MCOLN1: variants seen among roughly 807,000 people sequenced by gnomAD.
The protein encoded by MCOLN1 is mucolipin-1.
In MCOLN1, 50 loss-of-function variants were observed where a neutral mutation model predicts 70.3. The observed-to-expected ratio is 0.71, with a 90% CI of 0.57 to 0.90. The LOEUF (loss-of-function observed/expected upper bound fraction) is 0.90, where lower values mean the gene tolerates loss of function less well. MCOLN1 is among the 40% of genes least tolerant of loss of function. MCOLN1 has a pLI of 0.00. For missense variants in MCOLN1, 598 were observed against 803.5 expected (o/e 0.74, Z 3.09); for synonymous variants, 366 against 341.0 (o/e 1.07, Z -0.81).
chr19:7,523,967 C>G (rs906920793), intron 1 of MCOLN1, among the ~76,000 whole-genome samples: 11 of 151,946 alleles, frequency 7.2e-5, no homozygotes, highest in African/African-American at 2.7e-4. Flanking sequence ...CCAACTCAGC[C>G]TCCCGGGTAG....
intron 12 of MCOLN1, among the ~76,000 whole-genome samples, chr19:7,531,943 G>A: frequency 6.6e-6 from 1 of 152,214 alleles, no homozygotes; most frequent in East Asian, 1.9e-4. Flanking sequence ...TGGGATTACG[G>A]GCGTGAGCCA....
chr19:7,530,243 G>A (rs1300695195), intron 11 of MCOLN1, 43 bp from the exon 12 acceptor site: 5 of 1,556,204 alleles, frequency 3.2e-6, no homozygotes, highest in Non-Finnish European at 4.4e-6. Flanking sequence ...CCCGGTTCCT[G>A]GCCATGCCTT....
At position 7,525,245 on chromosome 19, in the gene MCOLN1, A is replaced by T. The variant is rs767122747; in HGVS notation, c.237+79A>T. On this transcript the variant is annotated intron_variant, in intron 2 of 13. Transcript: ENST00000264079. The surrounding 1 kb of genome is among the most constrained non-coding windows in gnomAD (Gnocchi z 4.2). ...TCCTTGAAGAGAGTCTTAAAGCAGCACTTTGGAAGGCCGAGGCCGGTGGAT... is the reference window on the plus strand; with the variant it reads ...TCCTTGAAGAGAGTCTTAAAGCAGCTCTTTGGAAGGCCGAGGCCGGTGGAT... 1.2e-5 allele frequency: 16 copies of T among 1,380,356 alleles called. No individual in the cohort carries two copies. The East Asian group carries it at 3.5e-4, about 30-fold the overall frequency. The allele number at this position is 1,380,356 out of a possible 1,614,324, so 85.5% of individuals were successfully genotyped here. A position where few individuals can be genotyped will look rare whatever the true frequency, so the allele number is the denominator to read the frequency against.
intron 11 of MCOLN1, 127 bp downstream of exon 11, chr19:7,529,839 T>C: frequency 8.8e-7 from 1 of 1,130,366 alleles, no homozygotes; most frequent in East Asian, 2.4e-5. Context: ...TTGGTGACCC[T>C]GACACTGACC....
chr19:7,522,953 C>T (rs1261644093), intron 1 of MCOLN1, among the ~76,000 whole-genome samples, 172 bp downstream of exon 1: 3 of 152,160 alleles, frequency 2.0e-5, no homozygotes, highest in Non-Finnish European at 4.4e-5. Context: ...GGGCACCAGC[C>T]TCTCCAATTC....
rs1485154863 is a variant in MCOLN1 at position 7,528,585 on chromosome 19, C to T, written c.878-12C>T. On this transcript the variant is annotated splice_polypyrimidine_tract_variant and intron_variant, in intron 7 of 13. Transcript: ENST00000264079. The surrounding 1 kb of genome is among the most constrained non-coding windows in gnomAD (Gnocchi z 4.2). ...GCCATCCTTGGCCCTACCCGCTCTG[C>T]CCTCCCCGCAGGAGACAACAGCTTC... The T allele has an allele frequency of 6.2e-7, 1 of 1,613,898 alleles. No individual in the cohort carries two copies. Among genetic ancestry groups the T allele is most frequent in the East Asian group, 2.2e-5 (1 of 44,894 alleles).
rs761849827 is a variant in MCOLN1, at chr19:7,533,848, C to G, written c.*53C>G. On this transcript the variant is annotated 3_prime_UTR_variant, in exon 14 of 14. Coordinates refer to ENST00000264079, the MANE Select transcript of MCOLN1 (RefSeq NM_020533.3). ...GCCCTGGACTGCAGAGACCCCCGCCCCCGACCCCGCTTATTTATTTGTAGG... is the reference window on the plus strand; with the variant it reads ...GCCCTGGACTGCAGAGACCCCCGCCGCCGACCCCGCTTATTTATTTGTAGG... The G allele has an allele frequency of 4.5e-6, 7 of 1,568,202 alleles. No homozygotes were observed. The highest frequency in any genetic ancestry group is 6.1e-6 in the Non-Finnish European group (7 of 1,138,922).
In MCOLN1 at chr19:7,524,949, C is replaced by A. The variant is rs1372906524; in HGVS notation, c.32-12C>A. The A allele has an allele frequency of 4.3e-6, 7 of 1,612,600 alleles. No individual in the cohort carries two copies. The highest frequency in any genetic ancestry group is 5.1e-6 in the Non-Finnish European group (6 of 1,179,490). ...CCAGGCCTCACCCCAGTGCCCTCTC[C>A]TATTCCCACAGAGACCGAGCGGCTT... On this transcript the variant is annotated splice_polypyrimidine_tract_variant and intron_variant, in intron 1 of 13. Transcript: ENST00000264079. The surrounding 1 kb of genome is among the most constrained non-coding windows in gnomAD (Gnocchi z 4.1).
rs1057161681 is a variant in MCOLN1, at chr19:7,525,602, A to G, written c.237+436A>G. On this transcript the variant is annotated intron_variant, in intron 2 of 13. Coordinates refer to ENST00000264079, the MANE Select transcript of MCOLN1 (RefSeq NM_020533.3). The surrounding 1 kb of genome is among the most constrained non-coding windows in gnomAD (Gnocchi z 4.2). Reference sequence around the variant, plus strand: ...ATTTGAACCCAGGCAGTCTGACACCATGTTGACCCAATGGCTGCACAGATA... The same window carrying G: ...ATTTGAACCCAGGCAGTCTGACACCGTGTTGACCCAATGGCTGCACAGATA... The G allele has an allele frequency of 4.3e-5, 11 of 253,462 alleles. No individual in the cohort carries two copies. Among genetic ancestry groups the G allele is most frequent in the African/African-American group, 2.6e-4 (11 of 43,126 alleles). 15.7% of individuals were successfully genotyped at this position (253,462 alleles called of 1,614,324 possible).
chr19:7,525,224 T>C lies in MCOLN1; in HGVS notation c.237+58T>C. ...GGCCACCTGTGGCTGCTGTGCTCCT[T>C]GAAGAGAGTCTTAAAGCAGCACTTT... On this transcript the variant is annotated intron_variant, in intron 2 of 13. Transcript: ENST00000264079. The surrounding 1 kb of genome is among the most constrained non-coding windows in gnomAD (Gnocchi z 4.2). The C allele has an allele frequency of 6.6e-7, 1 of 1,516,070 alleles. No individual in the cohort carries two copies. The highest frequency in any genetic ancestry group is 9.1e-7 in the Non-Finnish European group (1 of 1,094,128). The allele number at this position is 1,516,070 out of a possible 1,614,324, so 93.9% of individuals were successfully genotyped here.
chr19:7,533,443 G>A, intron 12 of MCOLN1, 80 bp from the exon 13 acceptor site: 1 of 1,583,146 alleles, frequency 6.3e-7, no homozygotes, highest in Non-Finnish European at 8.6e-7. Context: ...TGCAGATATG[G>A]CTGGAGGGGA....
chr19:7,527,738 C>A, intron 5 of MCOLN1, 110 bp downstream of exon 5: 1 of 1,074,952 alleles, frequency 9.3e-7, no homozygotes, highest in Non-Finnish European at 1.5e-6. Flanking sequence ...CCCGCCCGCG[C>A]TGGTGCCTGC....
At chr19:7,522,820 G>C (rs2022513986) in intron 1 of MCOLN1, 39 bp downstream of exon 1, 1 of 1,314,202 alleles carries the variant, frequency 7.6e-7, no homozygotes, top group Non-Finnish European at 9.7e-7. Flanking sequence ...CCGAACTCAG[G>C]CGGGCGGGCT....
chr19:7,531,458 C>A lies in MCOLN1; in HGVS notation c.1575+957C>A, dbSNP rs548389941. On this transcript the variant is annotated intron_variant, in intron 12 of 13. Transcript: ENST00000264079. ...TCAGGTGATCCACCTGCCTTGGCCTCCCAAGGTGCTGGGATTTCAGGCATG... is the reference window on the plus strand; with the variant it reads ...TCAGGTGATCCACCTGCCTTGGCCTACCAAGGTGCTGGGATTTCAGGCATG... 5.4e-4 allele frequency among the ~76,000 whole-genome samples: 82 copies of A among 152,162 alleles called. 1 individual carries two copies. The highest frequency in any genetic ancestry group is 2.0e-3 in the African/African-American group (82 of 41,502).
chr19:7,528,123 C>T lies in MCOLN1; in HGVS notation c.778-35C>T, dbSNP rs2056953152. 1.2e-6 allele frequency: 2 copies of T among 1,608,806 alleles called. No individual in the cohort carries two copies. The highest frequency in any genetic ancestry group is 1.1e-5 in the South Asian group (1 of 90,978). On this transcript the variant is annotated intron_variant, in intron 6 of 13. Coordinates refer to ENST00000264079, the MANE Select transcript of MCOLN1 (RefSeq NM_020533.3). The surrounding 1 kb of genome is among the most constrained non-coding windows in gnomAD (Gnocchi z 4.2). Reference sequence around the variant, plus strand: ...ATGTGGACCTTGGGGCTTGGGGCTGCCAAGGTTTACTCTGCCCCCAACTGG... The same window carrying T: ...ATGTGGACCTTGGGGCTTGGGGCTGTCAAGGTTTACTCTGCCCCCAACTGG...
In MCOLN1 at chr19:7,528,124, C is replaced by T; in HGVS notation, c.778-34C>T. 1 of 1,609,016 alleles carries T rather than the reference C, an allele frequency of 6.2e-7. No individual in the cohort carries two copies. Among genetic ancestry groups the T allele is most frequent in the Non-Finnish European group, 8.5e-7 (1 of 1,175,444 alleles). ...TGTGGACCTTGGGGCTTGGGGCTGC[C>T]AAGGTTTACTCTGCCCCCAACTGGC... On this transcript the variant is annotated intron_variant, in intron 6 of 13. Coordinates refer to ENST00000264079, the MANE Select transcript of MCOLN1 (RefSeq NM_020533.3). This position sits in a 1 kb window ranked among gnomAD's most constrained non-coding sequence, Gnocchi z 4.2.
intron 4 of MCOLN1, 41 bp from the exon 5 acceptor site, chr19:7,527,479 C>T: frequency 2.3e-6 from 2 of 864,008 alleles, no homozygotes; most frequent in African/African-American, 1.6e-5. Context: ...AGCCTGGCCT[C>T]CCCGGCCCCC....
rs202247664 is a variant in MCOLN1, at chr19:7,524,989, C to T, written c.60C>T (p.Pro20=). The T allele has an allele frequency of 3.2e-5, 51 of 1,613,876 alleles. No homozygotes were observed. Among genetic ancestry groups the T allele is most frequent in the African/African-American group, 2.0e-4 (15 of 75,058 alleles). ...SETERLLTPN[P]GYGTQAGPSP... is the part of the protein sequence containing the mutation. ...CCGAGCGGCTTCTGACCCCCAACCC[C>T]GGGTATGGGACCCAGGCGGGGCCTT... The change falls in exon 2 of 14, where the codon CCC becomes CCT. Residue 20 remains proline, a synonymous_variant. Coordinates refer to ENST00000264079, the MANE Select transcript of MCOLN1 (RefSeq NM_020533.3). This position sits in a 1 kb window ranked among gnomAD's most constrained non-coding sequence, Gnocchi z 4.1.
Position 7,528,502 on chromosome 19 carries a change from G to A in MCOLN1, c.878-95G>A. The A allele has an allele frequency of 2.0e-6, 3 of 1,531,544 alleles. No homozygotes were observed. Among genetic ancestry groups the A allele is most frequent in the Non-Finnish European group, 2.7e-6 (3 of 1,122,154 alleles). 94.9% of individuals were successfully genotyped at this position (1,531,544 alleles called of 1,614,324 possible). A position where few individuals can be genotyped will look rare whatever the true frequency, so the allele number is the denominator to read the frequency against. Reference sequence around the variant, plus strand: ...CCACTGACCAACCAAAACCAGCCGTGCAGCCCCCTAGGTCTCCAGCCTGGC... The same window carrying A: ...CCACTGACCAACCAAAACCAGCCGTACAGCCCCCTAGGTCTCCAGCCTGGC... On this transcript the variant is annotated intron_variant, in intron 7 of 13. Coordinates refer to ENST00000264079, the MANE Select transcript of MCOLN1 (RefSeq NM_020533.3). This position sits in a 1 kb window ranked among gnomAD's most constrained non-coding sequence, Gnocchi z 4.2.
Sources: gnomAD v4.1 joint callset for allele counts (sites outside exome capture counted in the v4.1 genomes callset) on GRCh38, gnomAD v4.1.1 for gene constraint, Gnocchi (gnomAD v3.1) non-coding constraint, MANE v1.5 for transcripts, NCBI Gene and HGNC (gene_info 2026-07-23, HGNC 2026-07-21) for gene names.